The following BAZ2B variants were observed in gnomAD, a reference collection of about 807,000 sequenced individuals.
BAZ2B encodes bromodomain adjacent to zinc finger domain 2B.
In BAZ2B, 91 loss-of-function variants were observed where a neutral mutation model predicts 246.0. The ratio of observed to expected loss-of-function variants is 0.37; its 90% CI spans 0.31 to 0.44. The LOEUF (loss-of-function observed/expected upper bound fraction) is 0.44. BAZ2B is among the 20% of genes least tolerant of loss of function. The pLI, the probability that BAZ2B is intolerant of heterozygous loss-of-function variation, is 1.00. For synonymous variants in BAZ2B, 855 were observed against 860.0 expected (o/e 0.99, Z 0.10); for missense variants, 2,332 against 2,533.7 (o/e 0.92, Z 1.71).
At chr2:159,323,261 A>T (rs1427293389) in intron 36 of BAZ2B, among the ~76,000 whole-genome samples, 4 of 152,020 alleles carry the variant, frequency 2.6e-5, no homozygotes, top group African/African-American at 9.7e-5. Context: ...CTGGGATTAC[A>T]GGCGTGAGCC....
chr2:159,646,796 C>T, the BAZ2B span, among the ~76,000 whole-genome samples: 1 of 152,094 alleles, frequency 6.6e-6, no homozygotes. Context: ...CTGCAAAATA[C>T]TAGAACATAA....
At chr2:159,421,953 A>C (rs2150058543) in intron 13 of BAZ2B, among the ~76,000 whole-genome samples, 1 of 152,332 alleles carries the variant, frequency 6.6e-6, no homozygotes, top group East Asian at 1.9e-4. Flanking sequence ...ATAGCATCCA[A>C]GCTGAGAGCC....
At chr2:159,533,798 C>T (rs2151333469) in intron 2 of BAZ2B, among the ~76,000 whole-genome samples, 1 of 152,152 alleles carries the variant, frequency 6.6e-6, no homozygotes, top group Admixed American at 6.6e-5. Context: ...TAAGAGTAAA[C>T]CAAAAGATAT....
chr2:159,587,107 A>C (rs974504093), intron 1 of BAZ2B, among the ~76,000 whole-genome samples: 6 of 150,726 alleles, frequency 4.0e-5, no homozygotes, highest in East Asian at 2.0e-4. Flanking sequence ...GAGACGGAGT[A>C]TGGCTCTGTA....
At position 159,433,048 on chromosome 2, in the gene BAZ2B, G is replaced by C. The variant is rs1171173371; in HGVS notation, c.1609C>G (p.Leu537Val). 1 of 1,614,178 alleles carries C rather than the reference G, an allele frequency of 6.2e-7. No homozygotes were observed. The highest frequency in any genetic ancestry group is 8.5e-7 in the Non-Finnish European group (1 of 1,180,024). Residue 537 changes from leucine (L) to valine (V), a missense_variant, in exon 9 of 37, where the codon CTG becomes GTG. Transcript: ENST00000392783. Reference protein sequence around the residue: ...SSTPFSSPVNLSTSGRRTPGN... With the variant: ...SSTPFSSPVNVSTSGRRTPGN... ...GGGGTTCTTCTCCCACTTGTACTCA[G>C]ATTTACAGGTGAGGAAAAAGGGGTG... is the stretch of plus-strand genomic sequence containing the variant.
At chr2:159,451,157 A>C (rs944266840) in intron 4 of BAZ2B, among the ~76,000 whole-genome samples, 2 of 152,208 alleles carry the variant, frequency 1.3e-5, no homozygotes, top group African/African-American at 4.8e-5. Flanking sequence ...ACTTCGCAAA[A>C]ATTCATGGTA....
At chr2:159,315,501 G>T (rs1170709165), downstream of BAZ2B, among the ~76,000 whole-genome samples, 2 of 152,182 alleles carry the variant, frequency 1.3e-5, no homozygotes, top group Non-Finnish European at 2.9e-5. Context: ...CTCAGGCACA[G>T]GGCTGGTAAG....
chr2:159,389,333 C>T lies in BAZ2B; in HGVS notation c.3216+12G>A, dbSNP rs62171533. 67,284 of 1,572,432 alleles carry T rather than the reference C, an allele frequency of 0.043. 1,988 individuals are homozygous for T. The highest frequency in any genetic ancestry group is 0.11 in the Middle Eastern group (633 of 5,880). On this transcript the variant is annotated intron_variant, in intron 21 of 36. Coordinates refer to ENST00000392783, the MANE Select transcript of BAZ2B (RefSeq NM_013450.4). ...CTTATGAATGAAATGGTGTACATGA[C>T]GTATAAATTACCTTTTGGTCTGCTA...
At chr2:159,471,729 C>T (rs1444156094) in intron 3 of BAZ2B, among the ~76,000 whole-genome samples, 1 of 152,074 alleles carries the variant, frequency 6.6e-6, no homozygotes, top group African/African-American at 2.4e-5. Flanking sequence ...AAATGAAGTA[C>T]TGAAAAAGTC....
At chr2:159,620,571 A>G (rs543056299), upstream of BAZ2B, among the ~76,000 whole-genome samples, 1 of 152,322 alleles carries the variant, frequency 6.6e-6, no homozygotes, top group Non-Finnish European at 1.5e-5. Flanking sequence ...AAGAGATGTT[A>G]TTTGAACTGC....
At chr2:159,449,799 T>G (rs1342484777) in intron 4 of BAZ2B, among the ~76,000 whole-genome samples, 1 of 152,190 alleles carries the variant, frequency 6.6e-6, no homozygotes, top group African/African-American at 2.4e-5. Context: ...AAGTATGTGT[T>G]TTGGGCTTGT....
At chr2:159,343,591 G>A (rs545591875) in intron 31 of BAZ2B, among the ~76,000 whole-genome samples, 10 of 152,120 alleles carry the variant, frequency 6.6e-5, no homozygotes, top group African/African-American at 2.4e-4. Flanking sequence ...CAAATAATCT[G>A]AACAGACATT....
At chr2:159,644,560 A>T in the BAZ2B span, among the ~76,000 whole-genome samples, 1 of 152,114 alleles carries the variant, frequency 6.6e-6, no homozygotes, top group African/African-American at 2.4e-5. Flanking sequence ...CTTTGGTGTT[A>T]TTCTTCCCTT....
intron 22 of BAZ2B, among the ~76,000 whole-genome samples, chr2:159,386,077 G>T (rs10489999): frequency 0.068 from 10,326 of 152,138 alleles, 499 homozygotes; most frequent in South Asian, 0.14. Context: ...TTCTGTTGTT[G>T]ATGAATATCG....
At chr2:159,678,388 C>T in the BAZ2B span, among the ~76,000 whole-genome samples, 547 of 152,288 alleles carry the variant, frequency 3.6e-3, 5 homozygotes, top group African/African-American at 0.013. Context: ...ATACCAATCC[C>T]AAGTGCCTAA....
chr2:159,349,602 C>CAGGA, intron 28 of BAZ2B, 106 bp downstream of exon 28: 1 of 1,240,584 alleles, frequency 8.1e-7, no homozygotes, highest in East Asian at 2.5e-5. Flanking sequence ...CAAACTGTAG[C>CAGGA]AGGAATATTT....
intron 6 of BAZ2B, among the ~76,000 whole-genome samples, chr2:159,446,551 T>A (rs139492322): frequency 3.3e-5 from 5 of 152,198 alleles, no homozygotes; most frequent in African/African-American, 1.2e-4. Flanking sequence ...TTAAAAGTTA[T>A]ATGAAAAGCA....
intron 2 of BAZ2B, among the ~76,000 whole-genome samples, chr2:159,510,373 A>G (rs2151179472): frequency 6.6e-6 from 1 of 152,236 alleles, no homozygotes; most frequent in South Asian, 2.1e-4. Context: ...TACATTGCCC[A>G]GGCTGGCCTT....
chr2:159,398,943 C>T (rs751766029), intron 17 of BAZ2B, 49 bp from the exon 18 acceptor site: 1 of 1,540,180 alleles, frequency 6.5e-7, no homozygotes, highest in Non-Finnish European at 8.9e-7. Context: ...ACCACTACAA[C>T]TTGCAAATAA....
Sources: gnomAD v4.1 joint callset for allele counts (sites outside exome capture counted in the v4.1 genomes callset) on GRCh38, gnomAD v4.1.1 for gene constraint, MANE v1.5 for transcripts, NCBI Gene and HGNC (gene_info 2026-07-23, HGNC 2026-07-21) for gene names.